The following PRAMEF15 variants were observed in gnomAD, a reference collection of about 807,000 sequenced individuals.
PRAMEF15 encodes the protein PRAME family member 15.
PRAMEF15 carries 21 observed loss-of-function variants against 35.3 expected under a neutral mutation model. That is an observed-to-expected ratio of 0.59 (90% CI 0.42 to 0.86). The LOEUF (loss-of-function observed/expected upper bound fraction) is 0.86. Ranked by LOEUF, PRAMEF15 falls within the 40% of genes least tolerant of loss-of-function variation. The pLI is 0.00. For missense variants in PRAMEF15, 360 were observed against 574.1 expected (o/e 0.63, Z 3.81); for synonymous variants, 122 against 223.3 (o/e 0.55, Z 4.05).
Position 13,319,629 on chromosome 1 carries a change from G to A in PRAMEF15, c.551G>A (p.Cys184Tyr), listed in dbSNP as rs1640054716. 3 of 1,611,802 alleles carry A rather than the reference G, an allele frequency of 1.9e-6. No individual in the cohort carries two copies. The highest frequency in any genetic ancestry group is 4.5e-5 in the East Asian group (2 of 44,864). Residue 184 changes from cysteine (C) to tyrosine (Y), a missense_variant, in exon 3 of 4, where the codon TGT becomes TAT. Cys to Tyr is a radical substitution (Grantham distance 194). Around this residue, in one of 8 missense-constraint regions of PRAMEF15, gnomAD observed 36 missense variants for 164.8 expected, o/e 0.22. Transcript: ENST00000376152. ...AGGAAAGATTTACTACACCTGTGCT[G>A]TAAGAAGCTGAAAATTTTGGGAATG... ...KQRKDLLHLC[C>Y]KKLKILGMPF...
Position 13,320,549 on chromosome 1 carries a change from G to C in PRAMEF15, c.875+596G>C, listed in dbSNP as rs1216193966. On this transcript the variant is annotated intron_variant, in intron 3 of 3. Coordinates refer to ENST00000376152, the MANE Select transcript of PRAMEF15 (RefSeq NM_001098376.3). ...TGCGATTCTCCTGTCTCAGCCTCCT[G>C]AGTGCCTGGGATTACAGGCGTGAGC... is the stretch of plus-strand genomic sequence containing the variant. 2.6e-5 allele frequency among the ~76,000 whole-genome samples: 4 copies of C among 152,096 alleles called. No individual in the cohort carries two copies. In the South Asian group the frequency reaches 6.2e-4, roughly 24 times the overall value.
intron 1 of PRAMEF15, among the ~76,000 whole-genome samples, chr1:13,316,323 G>T (rs1640001765): frequency 6.6e-6 from 1 of 151,598 alleles, no homozygotes. Flanking sequence ...TATTTGGGTG[G>T]CTGGTGTGGG....
chr1:13,316,278 A>G (rs1337918767), intron 1 of PRAMEF15, among the ~76,000 whole-genome samples: 1 of 151,594 alleles, frequency 6.6e-6, no homozygotes, highest in East Asian at 1.9e-4. Flanking sequence ...TGCTGGGATT[A>G]CAGCTGTGAG....
At chr1:13,320,047 T>C in intron 3 of PRAMEF15, 94 bp downstream of exon 3, 3 of 1,600,442 alleles carry the variant, frequency 1.9e-6, no homozygotes, top group Middle Eastern at 4.4e-4. Context: ...CCTATGAGGA[T>C]GAAACAGTGA....
chr1:13,319,221 G>A (rs997365322), intron 2 of PRAMEF15, 151 bp from the exon 3 acceptor site: 29 of 1,371,710 alleles, frequency 2.1e-5, no homozygotes, highest in East Asian at 9.5e-5. Context: ...AAACAATGTG[G>A]AAGTGGGCAG....
chr1:13,321,746 G>A lies in PRAMEF15; in HGVS notation c.919G>A (p.Val307Met), dbSNP rs1640086770. 1.9e-6 allele frequency: 3 copies of A among 1,608,966 alleles called. No individual in the cohort carries two copies. Among genetic ancestry groups the A allele is most frequent in the African/African-American group, 1.3e-5 (1 of 74,428 alleles). ...AAAAGTCCTCACAATAACTAACTGT[G>A]TGCTTTTGGAATCAGACTTGAAGCA... ...SLKVLTITNC[V>M]LLESDLKHLS... The change falls in exon 4 of 4, where the codon GTG (valine) becomes ATG (methionine). Residue 307 changes from valine (V) to methionine (M), a missense_variant. Val to Met is a conservative substitution (Grantham distance 21). Around this residue, in one of 8 missense-constraint regions of PRAMEF15, gnomAD observed 72 missense variants for 79.9 expected, o/e 0.90. Transcript: ENST00000376152.
chr1:13,318,681 A>T lies in PRAMEF15; in HGVS notation c.274A>T (p.Thr92Ser). ...AVLDGLDALL[T>S]QGVRPRRWKL... ...GCTCGATGGGCTTGATGCACTGCTT[A>T]CCCAAGGGGTTCGTCCCAGGTGAGG... Residue 92 changes from threonine (T) to serine (S), a missense_variant, in exon 2 of 4, where the codon ACC becomes TCC. Thr to Ser is a moderately conservative substitution (Grantham distance 58, BLOSUM62 1). This residue lies in a region of PRAMEF15 where 44 missense variants were observed against 25.9 expected (regional missense o/e 1.70). Transcript: ENST00000376152. 2 of 1,613,894 alleles carry T rather than the reference A, an allele frequency of 1.2e-6. No homozygotes were observed. The highest frequency in any genetic ancestry group is 3.3e-5 in the Admixed American group (2 of 59,992).
intron 2 of PRAMEF15, 73 bp from the exon 3 acceptor site, chr1:13,319,299 G>A (rs1640049166): frequency 3.8e-6 from 6 of 1,595,492 alleles, no homozygotes; most frequent in Non-Finnish European, 5.1e-6. Flanking sequence ...GGGAGGAGCT[G>A]CTATCCAGGA....
At chr1:13,318,361 A>G in intron 1 of PRAMEF15, 31 bp from the exon 2 acceptor site, 2 of 1,521,206 alleles carry the variant, frequency 1.3e-6, no homozygotes, top group Non-Finnish European at 1.8e-6. Context: ...CCTGAGAGTG[A>G]TGCCTCTTCT....
chr1:13,316,511 G>T (rs1640007040), intron 1 of PRAMEF15, among the ~76,000 whole-genome samples: 1 of 151,798 alleles, frequency 6.6e-6, no homozygotes, highest in Non-Finnish European at 1.5e-5. Flanking sequence ...ATGGAGACAT[G>T]GCTGTGGGGG....
At chr1:13,317,638 G>A (rs1194544189) in intron 1 of PRAMEF15, among the ~76,000 whole-genome samples, 1 of 151,838 alleles carries the variant, frequency 6.6e-6, no homozygotes, top group Non-Finnish European at 1.5e-5. Flanking sequence ...TGAGCTGGGT[G>A]TGGTGATGCA....
In PRAMEF15 at chr1:13,319,247, C is replaced by G; in HGVS notation, c.294-125C>G. 4 of 1,487,336 alleles carry G rather than the reference C, an allele frequency of 2.7e-6. No individual in the cohort carries two copies. In the South Asian group the frequency reaches 3.6e-5, roughly 13 times the overall value. The allele number at this position is 1,487,336 out of a possible 1,614,324, so 92.1% of individuals were successfully genotyped here. A position where few individuals can be genotyped will look rare whatever the true frequency, so the allele number is the denominator to read the frequency against. ...AAGTGGGCAGGATCCAAGGGGAAAACAGAGTGAAGAAAAGTCAGAGAGAGG... is the reference window on the plus strand; with the variant it reads ...AAGTGGGCAGGATCCAAGGGGAAAAGAGAGTGAAGAAAAGTCAGAGAGAGG... On this transcript the variant is annotated intron_variant, in intron 2 of 3. Coordinates refer to ENST00000376152, the MANE Select transcript of PRAMEF15 (RefSeq NM_001098376.3).
chr1:13,321,766 G>C lies in PRAMEF15; in HGVS notation c.939G>C (p.Leu313Phe), dbSNP rs1640086944. 3.7e-6 allele frequency: 6 copies of C among 1,609,314 alleles called. No homozygotes were observed. The highest frequency in any genetic ancestry group is 4.2e-6 in the Non-Finnish European group (5 of 1,177,968). Residue 313 changes from leucine to phenylalanine, a missense_variant, in exon 4 of 4, where the codon TTG (leucine) becomes TTC (phenylalanine). Around this residue, in one of 8 missense-constraint regions of PRAMEF15, gnomAD observed 72 missense variants for 79.9 expected, o/e 0.90. Transcript: ENST00000376152. ...ACTGTGTGCTTTTGGAATCAGACTTGAAGCATCTATCCCAGTGCCCGAGTA... is the reference window on the plus strand; with the variant it reads ...ACTGTGTGCTTTTGGAATCAGACTTCAAGCATCTATCCCAGTGCCCGAGTA... Reference protein sequence around the residue: ...ITNCVLLESDLKHLSQCPSIS... With the variant: ...ITNCVLLESDFKHLSQCPSIS...
rs1435559396 is a variant in PRAMEF15 at position 13,320,806 on chromosome 1, A to G, written c.875+853A>G. 4.7e-3 allele frequency among the ~76,000 whole-genome samples: 717 copies of G among 152,256 alleles called. 7 individuals are homozygous for G. The highest frequency in any genetic ancestry group is 0.014 in the Middle Eastern group (4 of 294). The stretch of plus-strand genomic sequence containing the variant: ...AGGGGAATGCTCAGCAAACCTGCAC[A>G]TGTCAGAAAATCAGCTTTGTGCCCC... On this transcript the variant is annotated intron_variant, in intron 3 of 3. Transcript: ENST00000376152.
At chr1:13,318,033 T>C (rs1234026754) in intron 1 of PRAMEF15, among the ~76,000 whole-genome samples, 6 of 152,074 alleles carry the variant, frequency 3.9e-5, no homozygotes, top group African/African-American at 1.2e-4. Flanking sequence ...AATGTGGGCA[T>C]GTAGGCTTGT....
rs1640092712 is a variant in PRAMEF15, at chr1:13,322,112, T to C, written c.1285T>C (p.Cys429Arg). Residue 429 changes from cysteine (C) to arginine (R), a missense_variant, in exon 4 of 4, where the codon TGC (cysteine) becomes CGC (arginine). Physicochemically the swap from Cys to Arg is radical, Grantham distance 180. This residue lies in a region of PRAMEF15 where 147 missense variants were observed against 123.5 expected (regional missense o/e 1.19). Transcript: ENST00000376152. ...RESYGADGTL[C>R]WSRFAQIRAE... ...GAGTTATGGTGCTGATGGTACTCTC[T>C]GCTGGAGCAGATTTGCTCAAATTAG... The C allele has an allele frequency of 6.2e-7, 1 of 1,609,666 alleles. No homozygotes were observed. The highest frequency in any genetic ancestry group is 8.5e-7 in the Non-Finnish European group (1 of 1,179,064).
chr1:13,322,261 T>C lies in PRAMEF15; in HGVS notation c.1434T>C (p.Cys478=). The change falls in exon 4 of 4, where the codon TGT becomes TGC. Residue 478 remains cysteine (C), a synonymous_variant. Coordinates refer to ENST00000376152, the MANE Select transcript of PRAMEF15 (RefSeq NM_001098376.3). ...ACCTGGAGGCAGATCAATACTGCTG[T>C]TGAATGCCTGCCTATTTGGATGGGT... ...FYDLEADQYC[C] 6.5e-7 allele frequency: 1 copy of C among 1,550,224 alleles called. No individual in the cohort carries two copies. Among genetic ancestry groups the C allele is most frequent in the Non-Finnish European group, 8.8e-7 (1 of 1,132,554 alleles).
At position 13,322,145 on chromosome 1, in the gene PRAMEF15, C is replaced by G; in HGVS notation, c.1318C>G (p.Leu440Val). ...WSRFAQIRAE[L>V]MNRVRDLRHP... ...CAGATTTGCTCAAATTAGGGCTGAGCTGATGAACAGAGTGAGGGACTTAAG... is the reference window on the plus strand; with the variant it reads ...CAGATTTGCTCAAATTAGGGCTGAGGTGATGAACAGAGTGAGGGACTTAAG... The change falls in exon 4 of 4, where the codon CTG becomes GTG. Residue 440 changes from leucine to valine, a missense_variant. Physicochemically the swap from Leu to Val is conservative, Grantham distance 32. Transcript: ENST00000376152. 2 of 1,609,336 alleles carry G rather than the reference C, an allele frequency of 1.2e-6. No individual in the cohort carries two copies. Among genetic ancestry groups the G allele is most frequent in the Non-Finnish European group, 8.5e-7 (1 of 1,179,258 alleles).
chr1:13,319,233 A>T (rs1214441334), intron 2 of PRAMEF15, 139 bp from the exon 3 acceptor site: 1 of 1,450,792 alleles, frequency 6.9e-7, no homozygotes, highest in African/African-American at 1.4e-5. Context: ...AGTGGGCAGG[A>T]TCCAAGGGGA....
Sources: gnomAD v4.1 joint callset for allele counts (sites outside exome capture counted in the v4.1 genomes callset) on GRCh38, gnomAD v4.1.1 for gene constraint, gnomAD v4.1.1 regional missense constraint, MANE v1.5 for transcripts, NCBI Gene and HGNC (gene_info 2026-07-23, HGNC 2026-07-21) for gene names.